QTMAN: variants seen among roughly 807,000 people sequenced by gnomAD.
The protein encoded by QTMAN is queuosine-tRNA mannosyltransferase, also known as tRNA-queuosine alpha-mannosyltransferase.
chr2:143,987,686 G>T, the QTMAN span, among the ~76,000 whole-genome samples: 1 of 152,148 alleles, frequency 6.6e-6, no homozygotes, highest in African/African-American at 2.4e-5. Flanking sequence ...TTCCTCCCTT[G>T]CTTCCCAGCA....
At chr2:144,275,756 G>A in the QTMAN span, among the ~76,000 whole-genome samples, 15 of 150,810 alleles carry the variant, frequency 9.9e-5, no homozygotes, top group South Asian at 2.5e-3. Flanking sequence ...TCCAATTCAC[G>A]TATCTACACT....
At chr2:144,293,178 A>AT in the QTMAN span, among the ~76,000 whole-genome samples, 2 of 152,328 alleles carry the variant, frequency 1.3e-5, no homozygotes, top group African/African-American at 2.4e-5. Context: ...TGCATTATGG[A>AT]TTTTTTGTCA....
At chr2:144,054,976 AAT>A in the QTMAN span, among the ~76,000 whole-genome samples, 3,163 of 152,296 alleles carry the variant, frequency 0.021, 51 homozygotes, top group Non-Finnish European at 0.033. Flanking sequence ...GCTGTTGTTT[AAT>A]AAGATTGCAA....
the QTMAN span, among the ~76,000 whole-genome samples, chr2:144,145,108 TAA>T: frequency 3.4e-3 from 370 of 109,020 alleles, 1 homozygote; most frequent in African/African-American, 0.011. Context: ...TCTTACAATT[TAA>T]AAAAAAAAAA....
the QTMAN span, among the ~76,000 whole-genome samples, chr2:143,986,286 C>CA: frequency 6.6e-6 from 1 of 152,138 alleles, no homozygotes; most frequent in African/African-American, 2.4e-5. Context: ...TTTTTGGCCT[C>CA]AAAAAAATAT....
At chr2:144,233,948 C>CA in the QTMAN span, among the ~76,000 whole-genome samples, 8 of 152,044 alleles carry the variant, frequency 5.3e-5, no homozygotes, top group East Asian at 1.5e-3. Flanking sequence ...ACATGATTCA[C>CA]AATCACATAA....
the QTMAN span, among the ~76,000 whole-genome samples, chr2:144,235,434 A>T: frequency 2.0e-5 from 3 of 152,304 alleles, no homozygotes; most frequent in Admixed American, 6.5e-5. Flanking sequence ...AAAGTAGAGA[A>T]TTATTATCTA....
At chr2:144,242,607 A>T in the QTMAN span, among the ~76,000 whole-genome samples, 4 of 152,208 alleles carry the variant, frequency 2.6e-5, no homozygotes, top group Non-Finnish European at 5.9e-5. Flanking sequence ...ATTGTTAGCA[A>T]TGACTGTTGT....
chr2:143,951,777 G>A, the QTMAN span, among the ~76,000 whole-genome samples: 4 of 151,558 alleles, frequency 2.6e-5, no homozygotes, highest in South Asian at 4.1e-4. Context: ...AGCATGTACT[G>A]TGCATTAAGT....
the QTMAN span, chr2:143,943,778 A>G: frequency 2.0e-5 from 3 of 152,178 alleles, no homozygotes; most frequent in Non-Finnish European, 4.4e-5. Context: ...ACTTAACTGT[A>G]TTTGAAGGAT....
the QTMAN span, among the ~76,000 whole-genome samples, chr2:144,095,725 C>T: frequency 2.0e-5 from 3 of 152,168 alleles, no homozygotes; most frequent in African/African-American, 7.2e-5. Context: ...TTCCCTCCCA[C>T]TTCCGCCAGC....
At chr2:143,970,220 C>T in the QTMAN span, among the ~76,000 whole-genome samples, 5 of 152,186 alleles carry the variant, frequency 3.3e-5, no homozygotes, top group African/African-American at 4.8e-5. Context: ...GACTATAGTC[C>T]ATTCCACATT....
At chr2:144,111,583 TGTCCAGCTTCAGACAGA>T in the QTMAN span, among the ~76,000 whole-genome samples, 1 of 152,210 alleles carries the variant, frequency 6.6e-6, no homozygotes, top group African/African-American at 2.4e-5. Context: ...TAACTGCATC[TGTCCAGCTTCAGACAGA>T]GTGCCTGATC....
the QTMAN span, among the ~76,000 whole-genome samples, chr2:144,123,030 C>T: frequency 6.6e-6 from 1 of 152,000 alleles, no homozygotes; most frequent in Non-Finnish European, 1.5e-5. Flanking sequence ...ATATGACCTG[C>T]ATAATAAATG....
the QTMAN span, among the ~76,000 whole-genome samples, chr2:144,156,991 T>C: frequency 6.6e-6 from 1 of 151,964 alleles, no homozygotes; most frequent in Non-Finnish European, 1.5e-5. Context: ...ATAGAACCAG[T>C]GTGAAATCAG....
the QTMAN span, among the ~76,000 whole-genome samples, chr2:143,981,280 CA>C: frequency 5.3e-5 from 8 of 151,652 alleles, no homozygotes; most frequent in African/African-American, 1.9e-4. Context: ...TGAATAGAGA[CA>C]TTTATATTTT....
the QTMAN span, among the ~76,000 whole-genome samples, chr2:144,013,630 TC>T: frequency 6.6e-6 from 1 of 152,024 alleles, no homozygotes; most frequent in Non-Finnish European, 1.5e-5. Flanking sequence ...AGAAAAAATA[TC>T]AACAGTTTTT....
the QTMAN span, among the ~76,000 whole-genome samples, chr2:144,277,034 C>G: frequency 6.6e-6 from 1 of 152,064 alleles, no homozygotes; most frequent in Admixed American, 6.6e-5. Context: ...TTGTATATTT[C>G]AGTACTTCTC....
the QTMAN span, among the ~76,000 whole-genome samples, chr2:143,949,154 G>A: frequency 2.0e-5 from 3 of 151,908 alleles, no homozygotes; most frequent in South Asian, 2.1e-4. Context: ...GAGACTGAGC[G>A]AGTACACACA....
Sources: gnomAD v4.1 joint callset for allele counts (sites outside exome capture counted in the v4.1 genomes callset) on GRCh38, gnomAD v4.1.1 for gene constraint, MANE v1.5 for transcripts, NCBI Gene and HGNC (gene_info 2026-07-23, HGNC 2026-07-21) for gene names.